The following PTPRN2 variants were observed in gnomAD, a reference collection of about 807,000 sequenced individuals.
PTPRN2 encodes the protein receptor-type tyrosine-protein phosphatase N2.
Under a neutral mutation model 118.8 loss-of-function variants are expected in PTPRN2, and 74 were observed. The ratio of observed to expected loss-of-function variants is 0.62; its 90% CI spans 0.52 to 0.76. The LOEUF is 0.76. Among genes scored for constraint, PTPRN2 ranks in the 30% least tolerant of loss-of-function variants. The pLI, the probability that PTPRN2 is intolerant of heterozygous loss-of-function variation, is 0.00. For missense variants in PTPRN2, 1,481 were observed against 1,394.4 expected (o/e 1.06, Z -0.99); for synonymous variants, 641 against 608.0 (o/e 1.05, Z -0.80).
intron 12 of PTPRN2, among the ~76,000 whole-genome samples, chr7:157,889,100 C>T (rs1796648821): frequency 6.6e-6 from 1 of 152,136 alleles, no homozygotes; most frequent in African/African-American, 2.4e-5. Context: ...GGAAAAAACT[C>T]ACTTGCAATT....
At chr7:158,138,591 T>G (rs1393307512) in intron 6 of PTPRN2, 76 bp from the exon 7 acceptor site, 2 of 1,420,346 alleles carry the variant, frequency 1.4e-6, no homozygotes, top group East Asian at 4.6e-5. Context: ...ACCATAGGGG[T>G]GTGGTGGGCG....
rs113342051 is a variant in PTPRN2 at position 158,110,725 on chromosome 7, C to T, written c.1643+104G>A. On this transcript the variant is annotated intron_variant, in intron 10 of 22. Transcript: ENST00000389418. The stretch of plus-strand genomic sequence containing the variant: ...TTTCACTTCTCTAAACAGGTTCCCT[C>T]ATGTAATTAACAAGAGCCATGGGCT... 835 of 1,074,630 alleles carry T rather than the reference C, an allele frequency of 7.8e-4. 11 individuals carry two copies. The African/African-American group carries it at 0.012, about 15-fold the overall frequency. 66.6% of individuals were successfully genotyped at this position (1,074,630 alleles called of 1,614,324 possible).
chr7:158,005,646 A>G (rs985288271), intron 11 of PTPRN2, among the ~76,000 whole-genome samples: 27 of 152,178 alleles, frequency 1.8e-4, no homozygotes, highest in African/African-American at 6.5e-4. Flanking sequence ...GGGGAGGTGC[A>G]GGGCAGGAAG....
intron 12 of PTPRN2, among the ~76,000 whole-genome samples, chr7:157,761,883 T>A (rs1436137652): frequency 2.6e-5 from 4 of 152,000 alleles, no homozygotes; most frequent in East Asian, 1.9e-4. Context: ...GAATCTACAA[T>A]GAACTCAAAC....
chr7:157,559,251 G>A (rs1249754113), intron 21 of PTPRN2, among the ~76,000 whole-genome samples: 1 of 152,206 alleles, frequency 6.6e-6, no homozygotes, highest in Non-Finnish European at 1.5e-5. Context: ...AGGAACGGAC[G>A]CTTGGGACCT....
chr7:158,297,006 G>A (rs944263509), intron 3 of PTPRN2, among the ~76,000 whole-genome samples: 2 of 152,176 alleles, frequency 1.3e-5, no homozygotes, highest in African/African-American at 4.8e-5. Context: ...GATGTGGCCG[G>A]GGGCAACATT....
intron 6 of PTPRN2, among the ~76,000 whole-genome samples, chr7:158,161,626 T>C (rs1438997847): frequency 6.6e-6 from 1 of 152,028 alleles, no homozygotes; most frequent in African/African-American, 2.4e-5. Context: ...ACCATAAAAC[T>C]CCTTAAAGGT....
At chr7:157,684,219 G>A (rs1350737080) in intron 12 of PTPRN2, among the ~76,000 whole-genome samples, 1 of 151,852 alleles carries the variant, frequency 6.6e-6, no homozygotes, top group Non-Finnish European at 1.5e-5. Flanking sequence ...AGCTGGTGCC[G>A]GGACTGAGTT....
intron 11 of PTPRN2, chr7:158,027,870 G>C (rs1207317184): frequency 6.6e-6 from 1 of 152,194 alleles, no homozygotes; most frequent in Admixed American, 6.5e-5. Context: ...AGAATCGCAG[G>C]AGGCAGCTCC....
chr7:158,250,604 T>C (rs1796593657), intron 3 of PTPRN2, among the ~76,000 whole-genome samples: 1 of 152,036 alleles, frequency 6.6e-6, no homozygotes. Context: ...GAAACAGAAG[T>C]GATAGAAAAC....
At chr7:158,228,268 G>T (rs1053934961) in intron 3 of PTPRN2, among the ~76,000 whole-genome samples, 1 of 152,074 alleles carries the variant, frequency 6.6e-6, no homozygotes, top group Non-Finnish European at 1.5e-5. Flanking sequence ...CTAACTTTAT[G>T]CCACATCCTC....
At chr7:157,749,916 C>T (rs1436114432) in intron 12 of PTPRN2, among the ~76,000 whole-genome samples, 1 of 149,742 alleles carries the variant, frequency 6.7e-6, no homozygotes, top group South Asian at 2.2e-4. Flanking sequence ...AGGCCTGCAT[C>T]TCTGAGCTGT....
intron 12 of PTPRN2, among the ~76,000 whole-genome samples, chr7:157,716,064 A>G (rs1391863112): frequency 6.6e-6 from 1 of 152,244 alleles, no homozygotes; most frequent in Non-Finnish European, 1.5e-5. Context: ...CACGTGGGAC[A>G]TGGGATGGCC....
At chr7:157,865,583 A>C (rs1042302681) in intron 12 of PTPRN2, 2 of 152,494 alleles carry the variant, frequency 1.3e-5, no homozygotes, top group African/African-American at 4.8e-5. Context: ...GGAGCTCGGC[A>C]TCTGGAGGGC....
In PTPRN2 at chr7:158,245,219, G is replaced by A. The variant is rs374290386; in HGVS notation, c.278-39946C>T. 1.2e-4 allele frequency among the ~76,000 whole-genome samples: 12 copies of A among 99,450 alleles called. No homozygotes were observed. In the East Asian group the frequency reaches 3.0e-3, roughly 25 times the overall value. 65.2% of individuals were successfully genotyped at this position (99,450 alleles called of 152,430 possible). On this transcript the variant is annotated intron_variant, in intron 3 of 22. Coordinates refer to ENST00000389418, the MANE Select transcript of PTPRN2 (RefSeq NM_002847.5). ...TCATGCTGGAATCCACGGTCATGCC[G>A]GAACCCATGGCCATGCCGGAATCCG...
At chr7:158,048,074 T>C in intron 11 of PTPRN2, among the ~76,000 whole-genome samples, 1 of 152,114 alleles carries the variant, frequency 6.6e-6, no homozygotes, top group East Asian at 1.9e-4. Context: ...GCATACACAC[T>C]TTCTTCTAAG....
chr7:157,965,352 G>A (rs546443489), intron 11 of PTPRN2, among the ~76,000 whole-genome samples: 11 of 152,208 alleles, frequency 7.2e-5, no homozygotes, highest in East Asian at 3.9e-4. Context: ...ATAAAGAGAC[G>A]GTGCCCCTCA....
chr7:158,151,748 T>G (rs773383123), intron 6 of PTPRN2, among the ~76,000 whole-genome samples: 6 of 152,142 alleles, frequency 3.9e-5, no homozygotes, highest in Non-Finnish European at 8.8e-5. Flanking sequence ...TTTCCTTCCT[T>G]CCTGCCACAA....
chr7:158,118,740 C>T (rs188036373), intron 9 of PTPRN2, among the ~76,000 whole-genome samples: 82 of 152,098 alleles, frequency 5.4e-4, no homozygotes, highest in Admixed American at 1.2e-3. Context: ...CTTTTTTTGT[C>T]GCCCAGGCTG....
Sources: allele counts gnomAD v4.1 joint callset (sites outside exome capture counted in the v4.1 genomes callset), GRCh38; gene constraint gnomAD v4.1.1; transcripts MANE v1.5; gene names NCBI Gene and HGNC (gene_info 2026-07-23, HGNC 2026-07-21).